LRRFIP2: variants seen among roughly 807,000 people sequenced by gnomAD.
LRRFIP2 encodes the protein leucine-rich repeat flightless-interacting protein 2.
Under a neutral mutation model 125.9 loss-of-function variants are expected in LRRFIP2, and 109 were observed. The observed-to-expected ratio is 0.87, with a 90% CI of 0.74 to 1.01. The LOEUF (loss-of-function observed/expected upper bound fraction) is 1.01, where lower values mean the gene tolerates loss of function less well. Ranked by LOEUF, LRRFIP2 falls within the 50% of genes least tolerant of loss-of-function variation. The pLI, the probability that LRRFIP2 is intolerant of heterozygous loss-of-function variation, is 0.00. For missense variants in LRRFIP2, 850 were observed against 862.3 expected (o/e 0.99, Z 0.18); for synonymous variants, 291 against 293.1 (o/e 0.99, Z 0.07).
intron 17 of LRRFIP2, among the ~76,000 whole-genome samples, chr3:37,094,306 T>C (rs17204675): frequency 0.37 from 56,329 of 152,110 alleles, 11,289 homozygotes; most frequent in Non-Finnish European, 0.45. Context: ...GGAGACTTAA[T>C]GAGTCAAATA....
chr3:37,081,717 A>G (rs1397101718), intron 19 of LRRFIP2, among the ~76,000 whole-genome samples: 1 of 125,846 alleles, frequency 7.9e-6, no homozygotes, highest in African/African-American at 2.7e-5. Flanking sequence ...AACCGTTTCT[A>G]TAAAAAAAAA....
At chr3:37,168,531 A>G (rs1257889811) in intron 1 of LRRFIP2, among the ~76,000 whole-genome samples, 2 of 152,246 alleles carry the variant, frequency 1.3e-5, no homozygotes, top group Non-Finnish European at 2.9e-5. Flanking sequence ...GCATGAGGTG[A>G]TATTGTTTAA....
chr3:37,105,557 G>T (rs566946614), intron 13 of LRRFIP2, 34 bp from the exon 14 acceptor site: 1 of 1,548,318 alleles, frequency 6.5e-7, no homozygotes, highest in Non-Finnish European at 8.9e-7. Context: ...TGAAAAAGAT[G>T]CAATTTTGCT....
intron 17 of LRRFIP2, among the ~76,000 whole-genome samples, chr3:37,094,210 C>T (rs1236015812): frequency 6.6e-6 from 1 of 152,150 alleles, no homozygotes. Context: ...CTCTCACTAT[C>T]CCCTGCCTCA....
intron 2 of LRRFIP2, among the ~76,000 whole-genome samples, chr3:37,145,692 T>C (rs2095840744): frequency 6.6e-6 from 1 of 152,146 alleles, no homozygotes; most frequent in Non-Finnish European, 1.5e-5. Flanking sequence ...AATCAAGATG[T>C]GAAACTGCTT....
At chr3:37,059,055 G>T in intron 24 of LRRFIP2, 145 bp from the exon 25 acceptor site, 1 of 948,972 alleles carries the variant, frequency 1.1e-6, no homozygotes. Context: ...GTGCCTAATA[G>T]GAGACACACA....
chr3:37,092,848 T>A (rs1055566667), intron 17 of LRRFIP2, among the ~76,000 whole-genome samples: 3 of 152,146 alleles, frequency 2.0e-5, no homozygotes, highest in African/African-American at 4.8e-5. Context: ...ACAATTTATT[T>A]TTTTTTTTGA....
chr3:37,104,720 C>T (rs1046311025), intron 14 of LRRFIP2, among the ~76,000 whole-genome samples: 2 of 152,126 alleles, frequency 1.3e-5, no homozygotes, highest in South Asian at 4.1e-4. Flanking sequence ...TAAAGAATAA[C>T]CTGAAATTAT....
chr3:37,089,991 A>AT (rs976758901), intron 18 of LRRFIP2, among the ~76,000 whole-genome samples: 1 of 152,178 alleles, frequency 6.6e-6, no homozygotes, highest in African/African-American at 2.4e-5. Flanking sequence ...GGCACTTCCC[A>AT]TTGGACTTCT....
rs184291431 is a variant in LRRFIP2, at chr3:37,094,414, C to G, written c.1035+378G>C. 7.2e-5 allele frequency among the ~76,000 whole-genome samples: 11 copies of G among 152,296 alleles called. No homozygotes were observed. The East Asian group carries it at 1.9e-3, about 27-fold the overall frequency. The stretch of plus-strand genomic sequence containing the variant: ...ATAACTATATTCAAGCAGCTGAATA[C>G]CATCAAGGCTCAAAAGACTAATAAT... On this transcript the variant is annotated intron_variant, in intron 17 of 27. Transcript: ENST00000336686.
rs377598500 is a variant in LRRFIP2 at position 37,096,626 on chromosome 3, T to C, written c.908A>G (p.Asn303Ser). 4.3e-5 allele frequency: 67 copies of C among 1,565,736 alleles called. No homozygotes were observed. The highest frequency in any genetic ancestry group is 2.0e-5 in the Non-Finnish European group (23 of 1,143,334). ...AATTTACATACTCACTCTTGTATAATTTTCAGCATACTGTTTGTCAGATTT... is the reference window on the plus strand; with the variant it reads ...AATTTACATACTCACTCTTGTATAACTTTCAGCATACTGTTTGTCAGATTT... ...DEKSDKQYAENYTRPSSRNSA... is the reference protein window; with the variant it reads ...DEKSDKQYAESYTRPSSRNSA... The change falls in exon 16 of 28, where the codon AAT (asparagine) becomes AGT (serine). Residue 303 changes from asparagine (N) to serine (S), a missense_variant. Asn to Ser is a conservative substitution (Grantham distance 46, BLOSUM62 1). Transcript: ENST00000336686.
Position 37,059,790 on chromosome 3 carries a change from A to AT in LRRFIP2, c.1750-881_1750-880insA, listed in dbSNP as rs1310529585. 3.5e-3 allele frequency among the ~76,000 whole-genome samples: 449 copies of AT among 127,350 alleles called. 2 individuals are homozygous for AT. Among genetic ancestry groups the AT allele is most frequent in the African/African-American group, 0.012 (430 of 37,278 alleles). The allele number at this position is 127,350 out of a possible 152,430, so 83.5% of individuals were successfully genotyped here. ...GACAGAGCGAGACTCTGTCTCAAAA[A>AT]AAAAAAAAATAATAATAATAATAAT... On this transcript the variant is annotated intron_variant, in intron 24 of 27. Coordinates refer to ENST00000336686, the MANE Select transcript of LRRFIP2 (RefSeq NM_006309.4).
chr3:37,153,701 C>A (rs922313838), intron 1 of LRRFIP2, among the ~76,000 whole-genome samples: 1 of 152,094 alleles, frequency 6.6e-6, no homozygotes, highest in African/African-American at 2.4e-5. Flanking sequence ...CAACAAGCTC[C>A]AGAATAGACA....
intron 15 of LRRFIP2, among the ~76,000 whole-genome samples, chr3:37,097,260 A>G (rs67385735): frequency 0.36 from 54,906 of 151,424 alleles, 10,885 homozygotes; most frequent in Non-Finnish European, 0.45. Context: ...CTACCATGCC[A>G]TACCCTGACC....
At chr3:37,139,680 T>G (rs1446390022) in intron 2 of LRRFIP2, among the ~76,000 whole-genome samples, 4 of 152,136 alleles carry the variant, frequency 2.6e-5, no homozygotes, top group Admixed American at 2.0e-4. Context: ...CCCTCCATTT[T>G]ATGATGTCCT....
intron 1 of LRRFIP2, among the ~76,000 whole-genome samples, chr3:37,168,231 A>G (rs2096536753): frequency 6.6e-6 from 1 of 152,230 alleles, no homozygotes; most frequent in South Asian, 2.1e-4. Context: ...AGACATTTGC[A>G]TACTCATATT....
Position 37,053,964 on chromosome 3 carries a change from G to A in LRRFIP2, c.2056-3C>T. ...ATCTTGTCCAGTGCTGTTCGTAACT[G>A]GAGACAGGGAGAATGCAGTCACTAC... On this transcript the variant is annotated splice_region_variant and splice_polypyrimidine_tract_variant and intron_variant, in intron 27 of 27. Coordinates refer to ENST00000336686, the MANE Select transcript of LRRFIP2 (RefSeq NM_006309.4). 6.5e-7 allele frequency: 1 copy of A among 1,542,586 alleles called. No homozygotes were observed. The highest frequency in any genetic ancestry group is 9.0e-7 in the Non-Finnish European group (1 of 1,114,742).
rs1242587679 is a variant in LRRFIP2, at chr3:37,053,551, C to T, written c.*300G>A. On this transcript the variant is annotated 3_prime_UTR_variant, in exon 28 of 28. Transcript: ENST00000336686. ...GAACCCGTGCCAAGGCCTCCGAGTG[C>T]CCAGTTACTGAGGCAGCTGGGGAAA... is the stretch of plus-strand genomic sequence containing the variant. The T allele has an allele frequency of 1.2e-5, 4 of 324,156 alleles. No homozygotes were observed. The highest frequency in any genetic ancestry group is 1.8e-5 in the Non-Finnish European group (3 of 170,452). 20.1% of individuals were successfully genotyped at this position (324,156 alleles called of 1,614,324 possible).
At chr3:37,064,055 A>G (rs2089499881) in intron 23 of LRRFIP2, 1 of 419,046 alleles carries the variant, frequency 2.4e-6, no homozygotes, top group Admixed American at 4.0e-5. Context: ...CTTAAAGACA[A>G]ACAGAAGTAC....
Sources: gnomAD v4.1 joint callset for allele counts (sites outside exome capture counted in the v4.1 genomes callset) on GRCh38, gnomAD v4.1.1 for gene constraint, MANE v1.5 for transcripts, NCBI Gene and HGNC (gene_info 2026-07-23, HGNC 2026-07-21) for gene names.